Variants in BBOX1 observed in about 807,000 individuals in gnomAD.
BBOX1 encodes gamma-butyrobetaine dioxygenase.
A neutral mutation model predicts 41.6 loss-of-function variants in BBOX1; 35 were observed. The observed-to-expected ratio is 0.84, with a 90% CI of 0.64 to 1.11. BBOX1 has a LOEUF of 1.11. Among genes scored for constraint, BBOX1 ranks in the 50% most tolerant of loss-of-function variants. BBOX1 has a pLI of 0.00. For missense variants in BBOX1, 458 were observed against 460.6 expected (o/e 0.99, Z 0.05); for synonymous variants, 163 against 154.7 (o/e 1.05, Z -0.40).
intron 4 of BBOX1, among the ~76,000 whole-genome samples, chr11:27,065,692 A>G (rs12275053): frequency 0.083 from 12,640 of 152,182 alleles, 1,688 homozygotes; most frequent in African/African-American, 0.29. Context: ...CACATACCAC[A>G]TGTTCAGATA....
intron 2 of BBOX1, among the ~76,000 whole-genome samples, chr11:27,050,624 C>T (rs949231943): frequency 4.0e-5 from 6 of 148,306 alleles, no homozygotes; most frequent in Admixed American, 6.7e-5. Context: ...ATTGTCTTAT[C>T]GATACCTTTT....
intron 4 of BBOX1, among the ~76,000 whole-genome samples, chr11:27,080,161 A>C (rs141121219): frequency 3.3e-4 from 50 of 152,268 alleles, no homozygotes; most frequent in African/African-American, 1.2e-3. Flanking sequence ...ACCATTTTAT[A>C]CACAAAAATT....
chr11:27,077,373 G>A (rs940480119), intron 4 of BBOX1, among the ~76,000 whole-genome samples: 11 of 152,100 alleles, frequency 7.2e-5, no homozygotes, highest in African/African-American at 2.4e-4. Flanking sequence ...GTTCCCCAGT[G>A]GAAGGGTATA....
intron 3 of BBOX1, among the ~76,000 whole-genome samples, chr11:27,056,336 C>T (rs1459315788): frequency 2.0e-5 from 3 of 152,158 alleles, no homozygotes; most frequent in African/African-American, 4.8e-5. Flanking sequence ...CAGCTCACTG[C>T]AACTTCCGCC....
At chr11:27,075,514 G>C (rs557776523) in intron 4 of BBOX1, among the ~76,000 whole-genome samples, 2 of 152,182 alleles carry the variant, frequency 1.3e-5, no homozygotes, top group East Asian at 3.9e-4. Context: ...GGCTGGGGGA[G>C]CTCTCAGTGA....
intron 6 of BBOX1, among the ~76,000 whole-genome samples, chr11:27,116,663 C>T (rs1859274916): frequency 6.6e-6 from 1 of 151,892 alleles, no homozygotes; most frequent in Non-Finnish European, 1.5e-5. Context: ...TTCTGCTCCA[C>T]TCGGTCTATT....
intron 2 of BBOX1, among the ~76,000 whole-genome samples, chr11:27,046,977 G>A (rs1002700371): frequency 6.6e-6 from 1 of 151,526 alleles, no homozygotes; most frequent in Non-Finnish European, 1.5e-5. Context: ...TCCAGAAAAA[G>A]TTAAAGTGGG....
chr11:27,082,121 A>C (rs2134017649), intron 4 of BBOX1, among the ~76,000 whole-genome samples: 1 of 152,238 alleles, frequency 6.6e-6, no homozygotes, highest in South Asian at 2.1e-4. Context: ...ATGGTGCTAA[A>C]CCATTTATGA....
rs566365203 is a variant in BBOX1, at chr11:27,125,968, A to G, written c.1003+148A>G. On this transcript the variant is annotated intron_variant, in intron 8 of 8. Transcript: ENST00000263182. ...TGGTGAGCAACTGACTTGCTTATGT[A>G]GTGGACTCGTGGCCCTCATTGAGGT... The G allele has an allele frequency of 2.7e-5, 21 of 769,338 alleles. No homozygotes were observed. The Admixed American group carries it at 4.8e-4, about 18-fold the overall frequency. The allele number at this position is 769,338 out of a possible 1,614,324, so 47.7% of individuals were successfully genotyped here.
At chr11:27,076,841 G>C (rs1171243405) in intron 4 of BBOX1, among the ~76,000 whole-genome samples, 1 of 152,164 alleles carries the variant, frequency 6.6e-6, no homozygotes, top group Non-Finnish European at 1.5e-5. Context: ...AGTTTGTGCA[G>C]AAAGTGGGGA....
At chr11:27,078,768 G>A (rs1857723265) in intron 4 of BBOX1, among the ~76,000 whole-genome samples, 1 of 152,194 alleles carries the variant, frequency 6.6e-6, no homozygotes, top group African/African-American at 2.4e-5. Flanking sequence ...ATAACATGGT[G>A]TTAACAGAAA....
At chr11:27,068,070 T>C (rs1857344463) in intron 4 of BBOX1, among the ~76,000 whole-genome samples, 1 of 148,710 alleles carries the variant, frequency 6.7e-6, no homozygotes, top group Admixed American at 6.7e-5. Context: ...TTACATGACT[T>C]TTTTCCTTTG....
At chr11:27,111,241 T>C (rs748572885) in intron 5 of BBOX1, among the ~76,000 whole-genome samples, 1 of 151,882 alleles carries the variant, frequency 6.6e-6, no homozygotes, top group Non-Finnish European at 1.5e-5. Context: ...AGCAAATTAA[T>C]ACCTGAACAG....
intron 4 of BBOX1, among the ~76,000 whole-genome samples, chr11:27,058,960 T>G (rs549844228): frequency 1.3e-5 from 2 of 152,306 alleles, no homozygotes; most frequent in East Asian, 3.9e-4. Flanking sequence ...GATCAACCAC[T>G]TATTAGAGAT....
intron 4 of BBOX1, among the ~76,000 whole-genome samples, chr11:27,061,003 G>A (rs1001296271): frequency 6.6e-6 from 1 of 152,064 alleles, no homozygotes; most frequent in South Asian, 2.1e-4. Flanking sequence ...TGTCACAAAT[G>A]TATTTTTTTA....
intron 2 of BBOX1, among the ~76,000 whole-genome samples, chr11:27,048,499 A>G (rs570403754): frequency 4.3e-4 from 65 of 150,896 alleles, no homozygotes; most frequent in African/African-American, 1.5e-3. Flanking sequence ...GTGTAGACAG[A>G]TGATATAGAT....
At chr11:27,107,001 T>C (rs1019335177) in intron 5 of BBOX1, among the ~76,000 whole-genome samples, 2 of 151,898 alleles carry the variant, frequency 1.3e-5, no homozygotes, top group African/African-American at 4.8e-5. Flanking sequence ...GGGTACATAG[T>C]GAAATGAAGG....
In BBOX1 at chr11:27,126,756, A is replaced by G. The variant is rs1320047036; in HGVS notation, c.1004-537A>G. On this transcript the variant is annotated intron_variant, in intron 8 of 8. Coordinates refer to ENST00000263182, the MANE Select transcript of BBOX1 (RefSeq NM_003986.3). ...AGTGGCGTGATCTCGGCTCACTGCA[A>G]GCTCCGCCTCCCGGGTTCACGCCAT... Among the ~76,000 whole-genome samples the G allele has an allele frequency of 3.3e-5, 5 of 150,706 alleles. 1 individual carries two copies. The South Asian group carries it at 8.4e-4, about 25-fold the overall frequency.
intron 4 of BBOX1, among the ~76,000 whole-genome samples, chr11:27,067,590 C>T (rs59096630): frequency 0.33 from 49,554 of 151,460 alleles, 8,224 homozygotes; most frequent in East Asian, 0.45. Flanking sequence ...ATTAGCCAGG[C>T]GTGGTGGCAT....
Sources: allele counts gnomAD v4.1 joint callset (sites outside exome capture counted in the v4.1 genomes callset), GRCh38; gene constraint gnomAD v4.1.1; transcripts MANE v1.5; gene names NCBI Gene and HGNC (gene_info 2026-07-23, HGNC 2026-07-21).